MICALL1: variants seen among roughly 807,000 people sequenced by gnomAD.
The protein encoded by MICALL1 is MICAL like 1, also known as MICAL-like protein 1.
MICALL1 carries 61 observed loss-of-function variants against 83.7 expected under a neutral mutation model. The observed-to-expected ratio is 0.73, with a 90% CI of 0.59 to 0.90. The LOEUF (loss-of-function observed/expected upper bound fraction) is 0.90. MICALL1 is among the 40% of genes least tolerant of loss of function. MICALL1 has a pLI of 0.00. For synonymous variants in MICALL1, 481 were observed against 473.6 expected (o/e 1.02, Z -0.20); for missense variants, 1,066 against 1,152.0 (o/e 0.93, Z 1.08).
chr22:37,918,932 C>G, intron 4 of MICALL1, 104 bp from the exon 5 acceptor site: 2 of 1,368,538 alleles, frequency 1.5e-6, no homozygotes. Context: ...CTGGTGCACA[C>G]TTGAGTGACG....
At position 37,932,828 on chromosome 22, in the gene MICALL1, G is replaced by C; in HGVS notation, c.2174G>C (p.Trp725Ser). 1 of 1,614,092 alleles carries C rather than the reference G, an allele frequency of 6.2e-7. No individual in the cohort carries two copies. Among genetic ancestry groups the C allele is most frequent in the Non-Finnish European group, 8.5e-7 (1 of 1,180,014 alleles). ...EGREDDMLVD[W>S]FKLIHEKHLL... is the part of the protein sequence containing the mutation. ...CGTGAGGATGACATGCTGGTGGACT[G>C]GTTCAAGCTCATCCACGAGAAGCAC... The change falls in exon 12 of 16, where the codon TGG (tryptophan) becomes TCG (serine). Residue 725 changes from tryptophan to serine, a missense_variant. Transcript: ENST00000215957. The surrounding 1 kb of genome is among the most constrained non-coding windows in gnomAD (Gnocchi z 4.4).
At position 37,927,407 on chromosome 22, in the gene MICALL1, A is replaced by G. The variant is rs1279593054; in HGVS notation, c.1466-4A>G. 6.4e-7 allele frequency: 1 copy of G among 1,572,268 alleles called. No individual in the cohort carries two copies. Among genetic ancestry groups the G allele is most frequent in the African/African-American group, 1.3e-5 (1 of 74,356 alleles). ...GTGAGGTGTCCTGGTGCTCGTCCGC[A>G]CAGCTCTCCACGCCTCCCGCCTCTC... On this transcript the variant is annotated splice_region_variant and splice_polypyrimidine_tract_variant and intron_variant, in intron 8 of 15. Coordinates refer to ENST00000215957, the MANE Select transcript of MICALL1 (RefSeq NM_033386.4).
rs1217602227 is a variant in MICALL1 at position 37,930,753 on chromosome 22, G to A, written c.1882-1046G>A. ...AGGATGCAGAGCCTGGGCTCTGGGT[G>A]TGTGGGTACTGGGCTGTGCAGCAGA... On this transcript the variant is annotated intron_variant, in intron 9 of 15. Transcript: ENST00000215957. This position sits in a 1 kb window ranked among gnomAD's most constrained non-coding sequence, Gnocchi z 4.8. Among the ~76,000 whole-genome samples the A allele has an allele frequency of 6.6e-6, 1 of 152,226 alleles. No homozygotes were observed.
At chr22:37,934,606 T>A (rs1929985353) in intron 13 of MICALL1, among the ~76,000 whole-genome samples, 2 of 150,594 alleles carry the variant, frequency 1.3e-5, no homozygotes, top group African/African-American at 4.9e-5. Flanking sequence ...TTATTATTAT[T>A]TTTTTTTTGA....
chr22:37,919,218 AG>A, intron 5 of MICALL1, 40 bp downstream of exon 5: 1 of 1,480,920 alleles, frequency 6.8e-7, no homozygotes, highest in Non-Finnish European at 9.0e-7. Context: ...GAAACCAGGG[AG>A]GGGGCTACCG....
intron 9 of MICALL1, among the ~76,000 whole-genome samples, chr22:37,931,114 AACAG>A (rs1275910847): frequency 7.7e-4 from 117 of 152,320 alleles, no homozygotes; most frequent in African/African-American, 2.6e-3. Flanking sequence ...CAGGCCCTGA[AACAG>A]ACAGATTCTC....
intron 1 of MICALL1, among the ~76,000 whole-genome samples, chr22:37,911,402 A>AT (rs1928314218): frequency 6.6e-6 from 1 of 152,228 alleles, no homozygotes; most frequent in Non-Finnish European, 1.5e-5. Context: ...ACACACCTGC[A>AT]GGGGCCTGTG....
chr22:37,909,912 C>A (rs564013006), intron 1 of MICALL1, among the ~76,000 whole-genome samples: 1 of 152,368 alleles, frequency 6.6e-6, no homozygotes, highest in South Asian at 2.1e-4. Flanking sequence ...TTGGTTCAGG[C>A]TTCTGGGGCT....
intron 9 of MICALL1, among the ~76,000 whole-genome samples, chr22:37,929,842 G>T (rs1355069161): frequency 6.6e-6 from 1 of 152,220 alleles, no homozygotes; most frequent in Non-Finnish European, 1.5e-5. Context: ...CAGCCTTTGT[G>T]GGGCAGCTGA....
intron 3 of MICALL1, among the ~76,000 whole-genome samples, chr22:37,913,151 A>T (rs1211983675): frequency 6.6e-6 from 1 of 151,542 alleles, no homozygotes. Context: ...TTTAGTAGAG[A>T]TGAGGTTTCA....
At chr22:37,937,644 G>T in intron 14 of MICALL1, 102 bp from the exon 15 acceptor site, 2 of 1,209,866 alleles carry the variant, frequency 1.7e-6, no homozygotes, top group South Asian at 1.3e-5. Flanking sequence ...GGCTGATCTC[G>T]AACTCCTGAC....
intron 3 of MICALL1, among the ~76,000 whole-genome samples, chr22:37,915,868 G>T (rs561174737): frequency 1.3e-5 from 2 of 151,996 alleles, no homozygotes; most frequent in Non-Finnish European, 2.9e-5. Flanking sequence ...TCTGGTCTGG[G>T]ATTTCTGACC....
chr22:37,914,119 A>G (rs1480252201), intron 3 of MICALL1, among the ~76,000 whole-genome samples: 1 of 150,918 alleles, frequency 6.6e-6, no homozygotes, highest in Non-Finnish European at 1.5e-5. Context: ...CAGGCGATCC[A>G]CCTGCCTCGG....
chr22:37,927,264 T>C (rs1929503711), intron 8 of MICALL1, 147 bp from the exon 9 acceptor site: 3 of 946,574 alleles, frequency 3.2e-6, no homozygotes, highest in Non-Finnish European at 4.5e-6. Flanking sequence ...GGGCGTTTGC[T>C]GTTCCCTGGG....
intron 1 of MICALL1, among the ~76,000 whole-genome samples, chr22:37,910,325 C>T (rs1176952631): frequency 6.6e-6 from 1 of 151,938 alleles, no homozygotes; most frequent in Non-Finnish European, 1.5e-5. Context: ...AGAATGTGAC[C>T]CCAGCCTTCT....
rs544657967 is a variant in MICALL1, at chr22:37,924,838, G to T, written c.1082+121G>T. The T allele has an allele frequency of 2.1e-6, 2 of 963,536 alleles. No homozygotes were observed. The highest frequency in any genetic ancestry group is 4.8e-5 in the Admixed American group (2 of 41,318). 59.7% of individuals were successfully genotyped at this position (963,536 alleles called of 1,614,324 possible). On this transcript the variant is annotated intron_variant, in intron 7 of 15. Transcript: ENST00000215957. This position sits in a 1 kb window ranked among gnomAD's most constrained non-coding sequence, Gnocchi z 5.2. The stretch of plus-strand genomic sequence containing the variant: ...ATGGGCAGGGCGGGGCTCAGGAGGG[G>T]AAGGAGAGCTGGGCCCACACCCCTT...
intron 5 of MICALL1, 61 bp downstream of exon 5, chr22:37,919,239 C>G: frequency 6.9e-7 from 1 of 1,440,444 alleles, no homozygotes; most frequent in Non-Finnish European, 9.2e-7. Flanking sequence ...GTGGGTTCAG[C>G]ACACACAGTG....
At position 37,906,470 on chromosome 22, in the gene MICALL1, C is replaced by A; in HGVS notation, c.48C>A (p.Cys16Ter). The A allele has an allele frequency of 8.1e-7, 1 of 1,234,134 alleles. No homozygotes were observed. Among genetic ancestry groups the A allele is most frequent in the Non-Finnish European group, 1.0e-6 (1 of 979,454 alleles). The allele number at this position is 1,234,134 out of a possible 1,614,324, so 76.4% of individuals were successfully genotyped here. A position where few individuals can be genotyped will look rare whatever the true frequency, so the allele number is the denominator to read the frequency against. Residue 16 changes from cysteine (C) to a stop codon, truncating the protein, a stop_gained, in exon 1 of 16, where the codon TGC (cysteine) becomes TGA (stop). Coordinates refer to ENST00000215957, the MANE Select transcript of MICALL1 (RefSeq NM_033386.4). LOFTEE classifies it high-confidence loss of function. The surrounding 1 kb of genome is among the most constrained non-coding windows in gnomAD (Gnocchi z 4.4). ...TGCTGGCCTGGTGCCGCCGCCAGTGCGAGGGCTACCGCGGCGTGGAGATCC... is the reference window on the plus strand; with the variant it reads ...TGCTGGCCTGGTGCCGCCGCCAGTGAGAGGGCTACCGCGGCGTGGAGATCC... ...GALLAWCRRQ[C>*]EGYRGVEIRD...
At position 37,917,688 on chromosome 22, in the gene MICALL1, C is replaced by T. The variant is rs1283035593; in HGVS notation, c.338-19C>T. 6.2e-7 allele frequency: 1 copy of T among 1,612,778 alleles called. No individual in the cohort carries two copies. The highest frequency in any genetic ancestry group is 8.5e-7 in the Non-Finnish European group (1 of 1,179,184). ...AGGATCTCCACCTGCTTCAGGACCC[C>T]TTTCTCATCTCTTGGCAGCTGGTGT... On this transcript the variant is annotated intron_variant, in intron 3 of 15. Transcript: ENST00000215957.
Sources: gnomAD v4.1 joint callset for allele counts (sites outside exome capture counted in the v4.1 genomes callset) on GRCh38, gnomAD v4.1.1 for gene constraint, Gnocchi (gnomAD v3.1) non-coding constraint, MANE v1.5 for transcripts, NCBI Gene and HGNC (gene_info 2026-07-23, HGNC 2026-07-21) for gene names.